The following FAM184B variants were observed in gnomAD, a reference collection of about 807,000 sequenced individuals.
FAM184B encodes family with sequence similarity 184 member B.
Under a neutral mutation model 135.9 loss-of-function variants are expected in FAM184B, and 111 were observed. That is an observed-to-expected ratio of 0.82 (90% confidence interval 0.70 to 0.96). The LOEUF is 0.96. FAM184B is among the 40% of genes least tolerant of loss of function. FAM184B has a pLI of 0.00. For synonymous variants in FAM184B, 552 were observed against 524.8 expected, an observed-to-expected ratio of 1.05 and a Z score of -0.71; for missense variants, 1,375 against 1,323.9, an observed-to-expected ratio of 1.04 and a Z score of -0.60.
At chr4:17,732,583 C>A (rs879682859) in intron 1 of FAM184B, among the ~76,000 whole-genome samples, 26 of 152,192 alleles carry the variant, frequency 1.7e-4, no homozygotes, top group Non-Finnish European at 3.2e-4. Context: ...ACTAGAAAAT[C>A]TGGAAGAAAT....
In FAM184B at chr4:17,781,345, C is replaced by T. The variant is rs1719029400; in HGVS notation, c.-46G>A. ...TCAGACTCTCTCGTTTTCTCCCTGCCCACCGTGTGCACGTGCGTGCGCGCG... is the reference window on the plus strand; with the variant it reads ...TCAGACTCTCTCGTTTTCTCCCTGCTCACCGTGTGCACGTGCGTGCGCGCG... On this transcript the variant is annotated 5_prime_UTR_variant, in exon 1 of 18. Coordinates refer to ENST00000265018, the MANE Select transcript of FAM184B (RefSeq NM_015688.2). This position sits in a 1 kb window ranked among gnomAD's most constrained non-coding sequence, Gnocchi z 6.5. The T allele has an allele frequency of 6.8e-7, 1 of 1,478,126 alleles. No homozygotes were observed. Among genetic ancestry groups the T allele is most frequent in the Admixed American group, 2.3e-5 (1 of 43,444 alleles). 91.6% of individuals were successfully genotyped at this position (1,478,126 alleles called of 1,614,324 possible).
At chr4:17,637,369 T>C (rs1221672185) in intron 14 of FAM184B, among the ~76,000 whole-genome samples, 1 of 151,946 alleles carries the variant, frequency 6.6e-6, no homozygotes, top group Non-Finnish European at 1.5e-5. Flanking sequence ...AGTAACTGGG[T>C]GGTGAGGAGA....
intron 1 of FAM184B, among the ~76,000 whole-genome samples, chr4:17,724,735 A>G (rs1717604865): frequency 6.6e-6 from 1 of 152,338 alleles, no homozygotes; most frequent in Non-Finnish European, 1.5e-5. Context: ...TCAACCTCGC[A>G]TAAAGCTCTT....
intron 7 of FAM184B, 109 bp from the exon 8 acceptor site, chr4:17,664,768 G>GC: frequency 1.1e-6 from 1 of 896,216 alleles, no homozygotes; most frequent in Non-Finnish European, 1.7e-6. Flanking sequence ...AGAAGAGGGA[G>GC]CCCCCAGCAA....
chr4:17,666,476 T>C (rs941832337), intron 7 of FAM184B, among the ~76,000 whole-genome samples: 5 of 133,880 alleles, frequency 3.7e-5, no homozygotes, highest in African/African-American at 1.4e-4. Flanking sequence ...GTTCTTTTTT[T>C]TTTTTTTTTT....
chr4:17,733,489 A>T (rs959736741), intron 1 of FAM184B, among the ~76,000 whole-genome samples: 13 of 152,360 alleles, frequency 8.5e-5, no homozygotes, highest in Admixed American at 2.6e-4. Flanking sequence ...GCAAAGTCTC[A>T]GGGTACAAAA....
At chr4:17,685,004 G>A (rs566520214) in intron 7 of FAM184B, among the ~76,000 whole-genome samples, 5 of 152,010 alleles carry the variant, frequency 3.3e-5, no homozygotes, top group African/African-American at 1.2e-4. Flanking sequence ...AGAACACATG[G>A]ATGCAGGGAG....
intron 1 of FAM184B, among the ~76,000 whole-genome samples, chr4:17,749,030 C>T (rs933857499): frequency 1.4e-5 from 2 of 147,446 alleles, no homozygotes; most frequent in African/African-American, 2.5e-5. Flanking sequence ...GACAGGGGCT[C>T]GCTATGTTGT....
intron 12 of FAM184B, 27 bp downstream of exon 12, chr4:17,647,610 T>A (rs3733577): frequency 6.5e-7 from 1 of 1,538,948 alleles, no homozygotes; most frequent in Non-Finnish European, 8.8e-7. Flanking sequence ...GGAGGGGTAT[T>A]GCTGGTGCAA....
chr4:17,744,235 G>A (rs1207677950), intron 1 of FAM184B, among the ~76,000 whole-genome samples: 2 of 152,060 alleles, frequency 1.3e-5, no homozygotes, highest in African/African-American at 4.8e-5. Flanking sequence ...TCCCTTCACA[G>A]CAATACCAAG....
intron 1 of FAM184B, among the ~76,000 whole-genome samples, chr4:17,762,019 A>ATTTTGTTTTGTTTTGTTTTGTTTTG (rs112668227): frequency 2.7e-5 from 4 of 147,174 alleles, no homozygotes; most frequent in African/African-American, 1.1e-4. Flanking sequence ...AGGGCTCTTC[A>ATTTTGTTTTGTTTTGTTTTGTTTTG]TTTTGTTTTG....
intron 1 of FAM184B, among the ~76,000 whole-genome samples, chr4:17,725,609 T>A (rs374563652): frequency 6.6e-6 from 1 of 152,042 alleles, no homozygotes; most frequent in Admixed American, 6.6e-5. Flanking sequence ...CCAGTGTGGG[T>A]TGGATAATAG....
intron 17 of FAM184B, 82 bp downstream of exon 17, chr4:17,633,607 C>T: frequency 8.0e-7 from 1 of 1,255,172 alleles, no homozygotes. Flanking sequence ...GAATTTGGTA[C>T]CAGGTGCTAG....
chr4:17,764,175 T>A (rs1484792809), intron 1 of FAM184B, among the ~76,000 whole-genome samples: 2 of 152,228 alleles, frequency 1.3e-5, no homozygotes, highest in Non-Finnish European at 2.9e-5. Context: ...GCCAAGAGAC[T>A]GAACACACCA....
chr4:17,723,106 A>G (rs547915259), intron 1 of FAM184B, among the ~76,000 whole-genome samples: 1 of 152,366 alleles, frequency 6.6e-6, no homozygotes, highest in Admixed American at 6.5e-5. Flanking sequence ...TATGAATGGT[A>G]TAACAATGTG....
chr4:17,709,692 TG>T, intron 1 of FAM184B, 48 bp from the exon 2 acceptor site: 1 of 1,436,674 alleles, frequency 7.0e-7, no homozygotes, highest in Non-Finnish European at 9.1e-7. Context: ...GGCTGGGGTG[TG>T]GGAGGGCTGA....
intron 1 of FAM184B, among the ~76,000 whole-genome samples, chr4:17,757,226 T>A (rs1718443576): frequency 6.6e-6 from 1 of 152,198 alleles, no homozygotes; most frequent in Admixed American, 6.5e-5. Flanking sequence ...TTGGAAACCC[T>A]ATAGATCAAA....
At chr4:17,670,273 GAAAT>G (rs1321000747) in intron 7 of FAM184B, among the ~76,000 whole-genome samples, 1 of 152,068 alleles carries the variant, frequency 6.6e-6, no homozygotes, top group Non-Finnish European at 1.5e-5. Flanking sequence ...GAAGAAAAGA[GAAAT>G]AAAAGACAAA....
chr4:17,744,616 A>G (rs1030691176), intron 1 of FAM184B, among the ~76,000 whole-genome samples: 1 of 151,814 alleles, frequency 6.6e-6, no homozygotes, highest in Non-Finnish European at 1.5e-5. Context: ...GCTATTCAGG[A>G]GGCTGAGGCA....
Sources: gnomAD v4.1 joint callset for allele counts (sites outside exome capture counted in the v4.1 genomes callset) on GRCh38, gnomAD v4.1.1 for gene constraint, Gnocchi (gnomAD v3.1) non-coding constraint, MANE v1.5 for transcripts, NCBI Gene and HGNC (gene_info 2026-07-23, HGNC 2026-07-21) for gene names.